Variants in DAP3 observed in about 807,000 individuals in gnomAD.
DAP3 encodes the protein small ribosomal subunit protein mS29.
DAP3 carries 28 observed loss-of-function variants against 51.9 expected under a neutral mutation model. The observed-to-expected ratio is 0.54, with a 90% CI of 0.40 to 0.74. The LOEUF (loss-of-function observed/expected upper bound fraction) is 0.74. Ranked by LOEUF, DAP3 falls within the 30% of genes least tolerant of loss-of-function variation. The pLI is 0.00. For synonymous variants in DAP3, 170 were observed against 170.3 expected (o/e 1.00, Z 0.01); for missense variants, 458 against 483.5 (o/e 0.95, Z 0.49).
chr1:155,718,555 C>T (rs977598064), intron 3 of DAP3, among the ~76,000 whole-genome samples: 17 of 151,646 alleles, frequency 1.1e-4, no homozygotes, highest in Non-Finnish European at 7.4e-5. Flanking sequence ...AGCATGGTGG[C>T]GGGCGCCTGT....
rs772026004 is a variant in DAP3 at position 155,738,165 on chromosome 1, G to A, written c.1120G>A (p.Glu374Lys). ...NWLQHEKAPT[E>K]EGKKELLFLS... ...GTTTGTCTCCATTTTAGCTCCTACAGAAGAAGGGAAAAAAGAGCTGCTGTT... is the reference window on the plus strand; with the variant it reads ...GTTTGTCTCCATTTTAGCTCCTACAAAAGAAGGGAAAAAAGAGCTGCTGTT... The change falls in exon 13 of 13, where the codon GAA becomes AAA. Residue 374 changes from glutamate to lysine, a missense_variant. Transcript: ENST00000368336. The A allele has an allele frequency of 2.3e-5, 37 of 1,586,938 alleles. No individual in the cohort carries two copies. Among genetic ancestry groups the A allele is most frequent in the Non-Finnish European group, 3.0e-5 (35 of 1,161,460 alleles).
At chr1:155,696,629 G>C (rs1021518126) in intron 1 of DAP3, among the ~76,000 whole-genome samples, 1 of 152,162 alleles carries the variant, frequency 6.6e-6, no homozygotes, top group Non-Finnish European at 1.5e-5. Flanking sequence ...CATTGAATAA[G>C]TTGGTCTCTA....
intron 2 of DAP3, 27 bp from the exon 3 acceptor site, chr1:155,716,979 G>C: frequency 6.3e-7 from 1 of 1,594,260 alleles, no homozygotes; most frequent in South Asian, 1.1e-5. Flanking sequence ...TGATAACCCC[G>C]TAACACTGAA....
rs1802735 is a variant in DAP3 at position 155,737,033 on chromosome 1, T to C, written c.1081T>C (p.Leu361=). ...KEFESCIQYY[L]ENNWLQHEKA... is the part of the protein sequence containing the mutation. ...ATTTGAAAGTTGTATTCAGTATTATTTGGAAAACAATTGGCTTCAACATGA... is the reference window on the plus strand; with the variant it reads ...ATTTGAAAGTTGTATTCAGTATTATCTGGAAAACAATTGGCTTCAACATGA... Residue 361 remains leucine, a synonymous_variant, in exon 12 of 13, where the codon TTG becomes CTG. Coordinates refer to ENST00000368336, the MANE Select transcript of DAP3 (RefSeq NM_004632.4). 6.2e-7 allele frequency: 1 copy of C among 1,614,050 alleles called. No homozygotes were observed. The highest frequency in any genetic ancestry group is 2.2e-5 in the East Asian group (1 of 44,880).
At chr1:155,688,254 A>G, upstream of DAP3, 1 of 1,607,184 alleles carries the variant, frequency 6.2e-7, no homozygotes. Context: ...AAAGGGGCAA[A>G]CTGAGAGGAG....
upstream of DAP3, chr1:155,688,968 C>T (rs1653225656): frequency 3.7e-6 from 6 of 1,610,142 alleles, no homozygotes; most frequent in Non-Finnish European, 5.1e-6. Context: ...GGCTCGCCTC[C>T]TCCTCCATGG....
intron 6 of DAP3, 73 bp downstream of exon 6, chr1:155,726,092 A>T (rs1658546409): frequency 4.0e-6 from 5 of 1,257,432 alleles, no homozygotes; most frequent in East Asian, 2.5e-5. Flanking sequence ...TTGCAGCTTT[A>T]ATTTTCTTTT....
intron 2 of DAP3, among the ~76,000 whole-genome samples, chr1:155,714,076 T>C (rs1657043796): frequency 6.6e-6 from 1 of 152,152 alleles, no homozygotes; most frequent in African/African-American, 2.4e-5. Context: ...TGAAGTAGAA[T>C]GAGCAGAAGT....
intron 1 of DAP3, among the ~76,000 whole-genome samples, chr1:155,694,758 C>G (rs1348539525): frequency 2.0e-5 from 3 of 152,194 alleles, no homozygotes. Context: ...CAAACAAACC[C>G]TCTTCCCCAT....
rs41264951 is a variant in DAP3 at position 155,689,137 on chromosome 1, T to C, written c.-45T>C. ...TGGAGCCGGCCCCAGGCAGCGTGTG[T>C]CGGTCGCCTAGTCTGGAGAACTAGT... On this transcript the variant is annotated 5_prime_UTR_variant, in exon 1 of 13. Coordinates refer to ENST00000368336, the MANE Select transcript of DAP3 (RefSeq NM_004632.4). 1.2e-5 allele frequency: 11 copies of C among 926,460 alleles called. No individual in the cohort carries two copies. The highest frequency in any genetic ancestry group is 9.9e-5 in the South Asian group (7 of 70,930). The allele number at this position is 926,460 out of a possible 1,614,324, so 57.4% of individuals were successfully genotyped here. A position where few individuals can be genotyped will look rare whatever the true frequency, so the allele number is the denominator to read the frequency against.
At chr1:155,694,337 A>T (rs374799927) in intron 1 of DAP3, among the ~76,000 whole-genome samples, 4 of 141,562 alleles carry the variant, frequency 2.8e-5, no homozygotes, top group Non-Finnish European at 1.5e-5. Flanking sequence ...ATAAGCCTCA[A>T]CCGGGGGTTC....
Position 155,729,211 on chromosome 1 carries a change from A to C in DAP3, c.688A>C (p.Ile230Leu). The C allele has an allele frequency of 6.2e-7, 1 of 1,614,254 alleles. No homozygotes were observed. Among genetic ancestry groups the C allele is most frequent in the Non-Finnish European group, 8.5e-7 (1 of 1,180,044 alleles). The change falls in exon 9 of 13, where the codon ATA (isoleucine) becomes CTA (leucine). Residue 230 changes from isoleucine to leucine, a missense_variant. Coordinates refer to ENST00000368336, the MANE Select transcript of DAP3 (RefSeq NM_004632.4). ...AATCCACTGTCTCTCCCAATAGGGC[A>C]TAACACGGGTGAGGAACGCCACAGA... is the stretch of plus-strand genomic sequence containing the variant. The part of the protein sequence containing the change: ...SPLGEVVEQG[I>L]TRVRNATDAV...
At chr1:155,714,457 A>G (rs1657089713) in intron 2 of DAP3, among the ~76,000 whole-genome samples, 1 of 152,214 alleles carries the variant, frequency 6.6e-6, no homozygotes, top group South Asian at 2.1e-4. Context: ...TTAGAGATAA[A>G]GATACAAGTT....
At chr1:155,713,135 A>G (rs1417707690) in intron 2 of DAP3, among the ~76,000 whole-genome samples, 3 of 152,316 alleles carry the variant, frequency 2.0e-5, no homozygotes, top group Non-Finnish European at 4.4e-5. Context: ...CGCAACATAT[A>G]GCTTTTAAGG....
At chr1:155,700,831 G>A (rs113576407) in intron 1 of DAP3, among the ~76,000 whole-genome samples, 148 of 83,982 alleles carry the variant, frequency 1.8e-3, no homozygotes, top group South Asian at 2.8e-3. Context: ...GAAGTGAGGA[G>A]CCCCTCTGCC....
At chr1:155,725,670 C>T (rs1658495925) in intron 5 of DAP3, among the ~76,000 whole-genome samples, 180 bp downstream of exon 5, 4 of 152,168 alleles carry the variant, frequency 2.6e-5, no homozygotes, top group Admixed American at 2.6e-4. Flanking sequence ...CAAGACCTGC[C>T]TGGCCAACAT....
intron 1 of DAP3, among the ~76,000 whole-genome samples, chr1:155,700,694 G>T (rs1655113546): frequency 6.9e-6 from 1 of 144,674 alleles, no homozygotes; most frequent in Non-Finnish European, 1.5e-5. Flanking sequence ...GGAGGGAGAT[G>T]GGGGGGTCAG....
intron 11 of DAP3, among the ~76,000 whole-genome samples, chr1:155,736,416 G>A (rs1329013871): frequency 6.6e-6 from 1 of 152,058 alleles, no homozygotes; most frequent in Non-Finnish European, 1.5e-5. Context: ...CTCAAGCATT[G>A]CCTTTTTTTT....
intron 2 of DAP3, among the ~76,000 whole-genome samples, chr1:155,712,612 C>CAAAA (rs61338392): frequency 7.2e-5 from 4 of 55,452 alleles, no homozygotes; most frequent in East Asian, 5.5e-4. Flanking sequence ...AACTCCGTCT[C>CAAAA]AAAAAAAAAA....
Sources: allele counts gnomAD v4.1 joint callset (sites outside exome capture counted in the v4.1 genomes callset), GRCh38; gene constraint gnomAD v4.1.1; transcripts MANE v1.5; gene names NCBI Gene and HGNC (gene_info 2026-07-23, HGNC 2026-07-21).